DLGAP4: variants seen among roughly 807,000 people sequenced by gnomAD.
DLGAP4 encodes disks large-associated protein 4.
A neutral mutation model predicts 86.9 loss-of-function variants in DLGAP4; 18 were observed. The ratio of observed to expected loss-of-function variants is 0.21; its 90% CI spans 0.14 to 0.31. DLGAP4 has a LOEUF of 0.31. Among genes scored for constraint, DLGAP4 ranks in the 10% least tolerant of loss-of-function variants. The pLI is 1.00. For missense variants in DLGAP4, 1,085 were observed against 1,362.6 expected, an observed-to-expected ratio of 0.80 and a Z score of 3.21; for synonymous variants, 548 against 574.3, an observed-to-expected ratio of 0.95 and a Z score of 0.65.
intron 2 of DLGAP4, among the ~76,000 whole-genome samples, chr20:36,404,470 G>A (rs922162127): frequency 7.9e-5 from 12 of 152,158 alleles, no homozygotes; most frequent in Non-Finnish European, 8.8e-5. Context: ...TAAAGGAGGC[G>A]TCTCAAGCAG....
intron 2 of DLGAP4, among the ~76,000 whole-genome samples, chr20:36,429,045 C>G (rs1231071568): frequency 2.6e-5 from 4 of 152,166 alleles, no homozygotes; most frequent in Non-Finnish European, 5.9e-5. Flanking sequence ...GGCACATCTC[C>G]TCTGACTCTG....
At chr20:36,323,124 G>A (rs562949929) in intron 1 of DLGAP4, among the ~76,000 whole-genome samples, 61 of 137,274 alleles carry the variant, frequency 4.4e-4, no homozygotes, top group Non-Finnish European at 7.0e-4. Context: ...GCTGCAGTGA[G>A]CCATGTTCTC....
At chr20:36,491,030 T>TAAAAAAAA (rs757935259) in intron 7 of DLGAP4, among the ~76,000 whole-genome samples, 5 of 101,412 alleles carry the variant, frequency 4.9e-5, no homozygotes, top group Admixed American at 1.1e-4. Flanking sequence ...CCATCTCTAC[T>TAAAAAAAA]AAAAAAAAAA....
chr20:36,395,351 T>C (rs1371851112), intron 2 of DLGAP4, among the ~76,000 whole-genome samples: 1 of 152,210 alleles, frequency 6.6e-6, no homozygotes, highest in South Asian at 2.1e-4. Flanking sequence ...TCTTCTTTGC[T>C]GCTGTATCCG....
intron 2 of DLGAP4, among the ~76,000 whole-genome samples, chr20:36,382,527 CTTTTTTTT>C (rs749210064): frequency 2.7e-5 from 3 of 110,470 alleles, no homozygotes; most frequent in African/African-American, 7.2e-5. Context: ...TTCTTTTTTT[CTTTTTTTT>C]TTTTTTTTTT....
intron 2 of DLGAP4, among the ~76,000 whole-genome samples, chr20:36,382,537 T>C (rs2031439538): frequency 7.1e-6 from 1 of 140,742 alleles, no homozygotes; most frequent in Non-Finnish European, 1.6e-5. Flanking sequence ...CTTTTTTTTT[T>C]TTTTTTTTTT....
At chr20:36,379,337 G>T (rs545179492) in intron 2 of DLGAP4, among the ~76,000 whole-genome samples, 2 of 152,200 alleles carry the variant, frequency 1.3e-5, no homozygotes, top group African/African-American at 2.4e-5. Flanking sequence ...CTGTCAGGGG[G>T]AAGAGATGGA....
At chr20:36,338,232 G>A (rs1229078164) in intron 1 of DLGAP4, among the ~76,000 whole-genome samples, 1 of 152,152 alleles carries the variant, frequency 6.6e-6, no homozygotes, top group Non-Finnish European at 1.5e-5. Flanking sequence ...AAGGGGGGAG[G>A]CAGGAGGGCC....
intron 1 of DLGAP4, among the ~76,000 whole-genome samples, chr20:36,318,909 G>T (rs2065138430): frequency 6.6e-6 from 1 of 152,132 alleles, no homozygotes; most frequent in Non-Finnish European, 1.5e-5. Context: ...ACTTTGGGAG[G>T]CCAAGGCGGG....
chr20:36,380,125 G>A (rs1447086119), intron 2 of DLGAP4, among the ~76,000 whole-genome samples: 1 of 151,876 alleles, frequency 6.6e-6, no homozygotes, highest in Non-Finnish European at 1.5e-5. Context: ...CAAGGATACA[G>A]CAAGTTGTGA....
chr20:36,394,109 T>C (rs563363245), intron 2 of DLGAP4, among the ~76,000 whole-genome samples: 1 of 152,300 alleles, frequency 6.6e-6, no homozygotes, highest in Non-Finnish European at 1.5e-5. Flanking sequence ...CTCTTTCACA[T>C]ACACACACAT....
At chr20:36,499,718 T>C (rs776086039) in intron 9 of DLGAP4, 42 bp downstream of exon 9, 13 of 1,517,362 alleles carry the variant, frequency 8.6e-6, no homozygotes, top group African/African-American at 1.4e-5. Flanking sequence ...CCCTCTCCTC[T>C]CCCTCCCTCC....
chr20:36,322,929 C>T (rs2147347812), intron 1 of DLGAP4, among the ~76,000 whole-genome samples: 1 of 152,134 alleles, frequency 6.6e-6, no homozygotes, highest in East Asian at 1.9e-4. Flanking sequence ...AATCCCAACA[C>T]TTTGGGAGGT....
chr20:36,386,941 C>T (rs1433315305), intron 2 of DLGAP4, among the ~76,000 whole-genome samples: 3 of 152,064 alleles, frequency 2.0e-5, no homozygotes, highest in Admixed American at 6.6e-5. Flanking sequence ...AGCTGTAGCT[C>T]GTTCATTTTT....
In DLGAP4 at chr20:36,525,433, T is replaced by C. The variant is rs565731580; in HGVS notation, c.2605-418T>C. The C allele has an allele frequency of 7.2e-5, 18 of 248,574 alleles. 1 individual carries two copies. The highest frequency in any genetic ancestry group is 3.7e-4 in the African/African-American group (17 of 45,492). 15.4% of individuals were successfully genotyped at this position (248,574 alleles called of 1,614,324 possible). On this transcript the variant is annotated intron_variant, in intron 11 of 12. Coordinates refer to ENST00000339266, the MANE Select transcript of DLGAP4 (RefSeq NM_001365621.2). ...TTTGTCTCCAAGACCTACAGAGACT[T>C]GGGGGTTGCGTTGTCATGGAACAGA... is the stretch of plus-strand genomic sequence containing the variant.
At chr20:36,507,972 C>G (rs998455728) in intron 10 of DLGAP4, 1 of 152,280 alleles carries the variant, frequency 6.6e-6, no homozygotes, top group African/African-American at 2.4e-5. Flanking sequence ...TTTGCTCCCT[C>G]GCAGCATGGC....
At chr20:36,337,985 G>A (rs374530385) in intron 1 of DLGAP4, among the ~76,000 whole-genome samples, 8 of 152,206 alleles carry the variant, frequency 5.3e-5, no homozygotes, top group Admixed American at 1.3e-4. Context: ...GGGGAGGGGA[G>A]GGAGGAGTGG....
chr20:36,522,581 G>C (rs1256646149), intron 10 of DLGAP4, among the ~76,000 whole-genome samples: 1 of 152,216 alleles, frequency 6.6e-6, no homozygotes, highest in Non-Finnish European at 1.5e-5. Flanking sequence ...AGCGTAGTGG[G>C]CGTGATCTTG....
At chr20:36,436,808 T>TCCG (rs1472082807) in intron 4 of DLGAP4, among the ~76,000 whole-genome samples, 1 of 142,490 alleles carries the variant, frequency 7.0e-6, no homozygotes. Flanking sequence ...TGAGCGAGAC[T>TCCG]CCGTCTCAAA....
Sources: gnomAD v4.1 joint callset for allele counts (sites outside exome capture counted in the v4.1 genomes callset) on GRCh38, gnomAD v4.1.1 for gene constraint, MANE v1.5 for transcripts, NCBI Gene and HGNC (gene_info 2026-07-23, HGNC 2026-07-21) for gene names.